Variants in ZIK1 observed in about 807,000 individuals in gnomAD.
ZIK1 encodes the protein zinc finger protein interacting with ribonucleoprotein K.
A neutral mutation model predicts 10.7 loss-of-function variants in ZIK1; 12 were observed. The ratio of observed to expected loss-of-function variants is 1.12; its 90% CI spans 0.72 to 1.81. The LOEUF (loss-of-function observed/expected upper bound fraction) is 1.81, where lower values mean the gene tolerates loss of function less well. ZIK1 is among the 40% of genes most tolerant of loss of function. The probability of loss-of-function intolerance (pLI) is 0.00; values close to 1 mark genes in which losing one functional copy is unlikely to be tolerated. For missense variants in ZIK1, 497 were observed against 585.7 expected, an observed-to-expected ratio of 0.85 and a Z score of 1.56; for synonymous variants, 190 against 205.0, an observed-to-expected ratio of 0.93 and a Z score of 0.63.
rs560755104 is a variant in ZIK1 at position 57,587,972 on chromosome 19, C to T, written c.73-567C>T. On this transcript the variant is annotated intron_variant, in intron 2 of 3. Transcript: ENST00000597850. ...TGCAGCACAAGTGGAGGACGGCCAT[C>T]GGTGTCTGACATCAGGTGATTCTTG... 1.3e-4 allele frequency among the ~76,000 whole-genome samples: 20 copies of T among 151,916 alleles called. No homozygotes were observed. In the South Asian group the frequency reaches 3.6e-3, roughly 27 times the overall value.
chr19:57,584,822 C>T (rs1978982655), intron 1 of ZIK1, 130 bp from the exon 2 acceptor site: 3 of 1,172,764 alleles, frequency 2.6e-6, no homozygotes, highest in Non-Finnish European at 1.2e-6. Flanking sequence ...AGGACTGGAA[C>T]GCTGAGGCTC....
At position 57,590,657 on chromosome 19, in the gene ZIK1, G is replaced by C. The variant is rs894410772; in HGVS notation, c.846G>C (p.Leu282=). 3.7e-6 allele frequency: 6 copies of C among 1,613,942 alleles called. No homozygotes were observed. In the Admixed American group the frequency reaches 5.0e-5, roughly 13 times the overall value. Residue 282 remains leucine, a synonymous_variant, in exon 4 of 4, where the codon CTG becomes CTC. Coordinates refer to ENST00000597850, the MANE Select transcript of ZIK1 (RefSeq NM_001010879.4). ...CGKFFSQTSH[L]NDHRRIHTGE... ...AATTCTTTAGCCAAACCTCCCACCT[G>C]AATGATCATCGGAGAATCCACACCG...
At position 57,591,211 on chromosome 19, in the gene ZIK1, A is replaced by G; in HGVS notation, c.1400A>G (p.Lys467Arg). Residue 467 changes from lysine to arginine, a missense_variant, in exon 4 of 4, where the codon AAA becomes AGA. By Grantham distance (26) the Lys-to-Arg change is conservative. Transcript: ENST00000597850. ...GGAGAAAGGCCTTATGAGTGCAACA[A>G]ATGTGGGAATTCCTTTAGCCAATGC... Reference protein sequence around the residue: ...HTGERPYECNKCGNSFSQCSS... With the variant: ...HTGERPYECNRCGNSFSQCSS... 1 of 1,614,236 alleles carries G rather than the reference A, an allele frequency of 6.2e-7. No individual in the cohort carries two copies. The highest frequency in any genetic ancestry group is 8.5e-7 in the Non-Finnish European group (1 of 1,180,014).
rs917310530 is a variant in ZIK1 at position 57,590,066 on chromosome 19, A to T, written c.255A>T (p.Val85=). 2 of 1,614,192 alleles carry T rather than the reference A, an allele frequency of 1.2e-6. No homozygotes were observed. Among genetic ancestry groups the T allele is most frequent in the Non-Finnish European group, 1.7e-6 (2 of 1,180,026 alleles). ...CACCTTCTGACCAGAATGTTTCTGT[A>T]GGAGTGTCACAGTCAAAGGCAGGTT... The part of the protein sequence containing the change: ...EETPSDQNVS[V]GVSQSKAGSS... The change falls in exon 4 of 4, where the codon GTA becomes GTT. Residue 85 remains valine, a synonymous_variant. Coordinates refer to ENST00000597850, the MANE Select transcript of ZIK1 (RefSeq NM_001010879.4).
In ZIK1 at chr19:57,590,477, C is replaced by G. The variant is rs1568615595; in HGVS notation, c.666C>G (p.His222Gln). ...GTGAATGTGGGAAGGCTTCCAGGCA[C>G]AAACACACTCCTGTTTACCATCCAA... Reference protein sequence around the residue: ...KSGECGKASRHKHTPVYHPRV... With the variant: ...KSGECGKASRQKHTPVYHPRV... Residue 222 changes from histidine to glutamine, a missense_variant, in exon 4 of 4, where the codon CAC becomes CAG. Physicochemically the swap from His to Gln is conservative, Grantham distance 24. Coordinates refer to ENST00000597850, the MANE Select transcript of ZIK1 (RefSeq NM_001010879.4). The G allele has an allele frequency of 1.2e-6, 2 of 1,614,038 alleles. No individual in the cohort carries two copies. Among genetic ancestry groups the G allele is most frequent in the East Asian group, 2.2e-5 (1 of 44,860 alleles).
chr19:57,584,262 G>T lies in ZIK1; in HGVS notation c.-95G>T, dbSNP rs951441160. 1.3e-6 allele frequency: 2 copies of T among 1,511,092 alleles called. No individual in the cohort carries two copies. The highest frequency in any genetic ancestry group is 1.8e-6 in the Non-Finnish European group (2 of 1,128,592). 93.6% of individuals were successfully genotyped at this position (1,511,092 alleles called of 1,614,324 possible). A position where few individuals can be genotyped will look rare whatever the true frequency, so the allele number is the denominator to read the frequency against. ...GGGGTCCTCCCGCTGAACAGTGGGG[G>T]TTCTAAGGGTCGGCGGCGGCGGGGT... On this transcript the variant is annotated 5_prime_UTR_variant, in exon 1 of 4. Transcript: ENST00000597850.
rs578248666 is a variant in ZIK1, at chr19:57,591,176, G to A, written c.1365G>A (p.Val455=). 53 of 1,610,084 alleles carry A rather than the reference G, an allele frequency of 3.3e-5. No homozygotes were observed. The highest frequency in any genetic ancestry group is 8.5e-6 in the Non-Finnish European group (10 of 1,178,474). ...AGTCTGGTCTCATTCAACACCAAGTGGTTCACACTGGAGAAAGGCCTTATG... is the reference window on the plus strand; with the variant it reads ...AGTCTGGTCTCATTCAACACCAAGTAGTTCACACTGGAGAAAGGCCTTATG... The part of the protein sequence containing the change: ...SQKSGLIQHQ[V]VHTGERPYEC... Residue 455 remains valine, a synonymous_variant, in exon 4 of 4, where the codon GTG becomes GTA. Coordinates refer to ENST00000597850, the MANE Select transcript of ZIK1 (RefSeq NM_001010879.4).
At position 57,584,270 on chromosome 19, in the gene ZIK1, G is replaced by A; in HGVS notation, c.-87G>A. On this transcript the variant is annotated 5_prime_UTR_variant, in exon 1 of 4. Transcript: ENST00000597850. ...CCCGCTGAACAGTGGGGGTTCTAAG[G>A]GTCGGCGGCGGCGGGGTTGACGGCT... 2.0e-5 allele frequency: 31 copies of A among 1,517,576 alleles called. No individual in the cohort carries two copies. The South Asian group carries it at 3.4e-4, about 17-fold the overall frequency. The allele number at this position is 1,517,576 out of a possible 1,614,324, so 94.0% of individuals were successfully genotyped here.
At position 57,587,098 on chromosome 19, in the gene ZIK1, C is replaced by G. The variant is rs566907419; in HGVS notation, c.73-1441C>G. 2.0e-5 allele frequency among the ~76,000 whole-genome samples: 3 copies of G among 152,290 alleles called. No individual in the cohort carries two copies. The East Asian group carries it at 5.8e-4, about 30-fold the overall frequency. On this transcript the variant is annotated intron_variant, in intron 2 of 3. Transcript: ENST00000597850. ...GGGAACTCCCCCCTTATAAAACCAT[C>G]AAATCTTGTGAGACTTATTTACTAT...
At position 57,584,240 on chromosome 19, in the gene ZIK1, G is replaced by T; in HGVS notation, c.-117G>T. On this transcript the variant is annotated 5_prime_UTR_variant, in exon 1 of 4. Transcript: ENST00000597850. ...ACAGTCGGAAGGCGCGAGGGGAGGG[G>T]TCCTCCCGCTGAACAGTGGGGGTTC... 3 of 1,457,072 alleles carry T rather than the reference G, an allele frequency of 2.1e-6. No individual in the cohort carries two copies. Among genetic ancestry groups the T allele is most frequent in the Non-Finnish European group, 2.7e-6 (3 of 1,100,244 alleles). 90.3% of individuals were successfully genotyped at this position (1,457,072 alleles called of 1,614,324 possible). A position where few individuals can be genotyped will look rare whatever the true frequency, so the allele number is the denominator to read the frequency against.
At chr19:57,585,288 G>A (rs1281050248) in intron 2 of ZIK1, among the ~76,000 whole-genome samples, 1 of 152,194 alleles carries the variant, frequency 6.6e-6, no homozygotes, top group African/African-American at 2.4e-5. Flanking sequence ...AGAGCAGCAG[G>A]GCAGGACTCA....
At position 57,590,380 on chromosome 19, in the gene ZIK1, G is replaced by T. The variant is rs1412762073; in HGVS notation, c.569G>T (p.Gly190Val). 12 of 1,614,058 alleles carry T rather than the reference G, an allele frequency of 7.4e-6. No homozygotes were observed. Among genetic ancestry groups the T allele is most frequent in the Non-Finnish European group, 1.0e-5 (12 of 1,180,030 alleles). The change falls in exon 4 of 4, where the codon GGA becomes GTA. Residue 190 changes from glycine (G) to valine (V), a missense_variant. Coordinates refer to ENST00000597850, the MANE Select transcript of ZIK1 (RefSeq NM_001010879.4). ...CTTCTGAGGTCCCTGGTCTTTCCTG[G>T]AGGCAAGAAACCCGGCACAATTACT... ...LRLLRSLVFP[G>V]GKKPGTITEC... is the part of the protein sequence containing the mutation.
Position 57,591,507 on chromosome 19 carries a change from G to T in ZIK1, c.*232G>T. 1.8e-6 allele frequency: 1 copy of T among 547,674 alleles called. No homozygotes were observed. Among genetic ancestry groups the T allele is most frequent in the South Asian group, 2.8e-5 (1 of 35,496 alleles). 33.9% of individuals were successfully genotyped at this position (547,674 alleles called of 1,614,324 possible). A position where few individuals can be genotyped will look rare whatever the true frequency, so the allele number is the denominator to read the frequency against. Reference sequence around the variant, plus strand: ...CTACCCTCTACCACCTTGCACAGTGGGCACTGGTCACTCCTATGTGCTAAG... The same window carrying T: ...CTACCCTCTACCACCTTGCACAGTGTGCACTGGTCACTCCTATGTGCTAAG... On this transcript the variant is annotated 3_prime_UTR_variant, in exon 4 of 4. Transcript: ENST00000597850.
chr19:57,591,039 G>C lies in ZIK1; in HGVS notation c.1228G>C (p.Gly410Arg). The C allele has an allele frequency of 6.2e-7, 1 of 1,613,196 alleles. No individual in the cohort carries two copies. The highest frequency in any genetic ancestry group is 8.5e-7 in the Non-Finnish European group (1 of 1,179,812). The change falls in exon 4 of 4, where the codon GGT becomes CGT. Residue 410 changes from glycine (G) to arginine (R), a missense_variant. By Grantham distance (125) the Gly-to-Arg change is moderately radical. Transcript: ENST00000597850. ...VHTGERPYKC[G>R]DCGKSFSQSS... ...CACTGGAGAAAGGCCTTATAAGTGTGGTGACTGTGGGAAATCCTTTAGTCA... is the reference window on the plus strand; with the variant it reads ...CACTGGAGAAAGGCCTTATAAGTGTCGTGACTGTGGGAAATCCTTTAGTCA...
In ZIK1 at chr19:57,590,547, A is replaced by C. The variant is rs769432486; in HGVS notation, c.736A>C (p.Lys246Gln). The C allele has an allele frequency of 9.3e-6, 15 of 1,614,238 alleles. No individual in the cohort carries two copies. In the South Asian group the frequency reaches 1.5e-4, roughly 17 times the overall value. The stretch of plus-strand genomic sequence containing the variant: ...GCTTTATGAGTGTAGCAAATGTGGG[A>C]AAGCCTTCCGTGGCAAGTACTCACT... ...KKLYECSKCG[K>Q]AFRGKYSLVQ... Residue 246 changes from lysine to glutamine, a missense_variant, in exon 4 of 4, where the codon AAA becomes CAA. Transcript: ENST00000597850.
rs1568616944 is a variant in ZIK1, at chr19:57,591,245, CAT to C, written c.1436_1437del (p.Ile479ThrfsTer7). 2 of 1,611,572 alleles carry C rather than the reference CAT, an allele frequency of 1.2e-6. No homozygotes were observed. The highest frequency in any genetic ancestry group is 1.7e-5 in the Admixed American group (1 of 59,674). On this transcript the variant is annotated frameshift_variant, in exon 4 of 4. Transcript: ENST00000597850. LOFTEE classifies it low-confidence loss of function (END_TRUNC). ...GNSFSQCSSL[I>X]HHQKCHNT ...ATTCCTTTAGCCAATGCTCCAGCCT[CAT>C]ACATCACCAAAAATGTCATAACACA... is the stretch of plus-strand genomic sequence containing the variant.
At chr19:57,584,465 T>A (rs1978947054) in intron 1 of ZIK1, 76 bp downstream of exon 1, 2 of 1,547,022 alleles carry the variant, frequency 1.3e-6, no homozygotes. Flanking sequence ...GTCGAGATCC[T>A]CATGTCCAGT....
chr19:57,589,798 C>A, intron 3 of ZIK1: 2 of 757,980 alleles, frequency 2.6e-6, no homozygotes, highest in Non-Finnish European at 3.2e-6. Flanking sequence ...CCCTGTCCTT[C>A]ATCCCATCCT....
At position 57,591,087 on chromosome 19, in the gene ZIK1, C is replaced by T. The variant is rs149356470; in HGVS notation, c.1276C>T (p.Arg426Trp). 5.9e-5 allele frequency: 96 copies of T among 1,613,936 alleles called. 1 individual carries two copies. The highest frequency in any genetic ancestry group is 3.9e-4 in the African/African-American group (29 of 74,886). The change falls in exon 4 of 4, where the codon CGG (arginine) becomes TGG (tryptophan). Residue 426 changes from arginine to tryptophan, a missense_variant. Transcript: ENST00000597850. ...FSQSSILIQHRRIHTGARPYE... is the reference protein window; with the variant it reads ...FSQSSILIQHWRIHTGARPYE... ...TCAAAGCTCCATCCTTATTCAACACCGGAGAATTCATACTGGAGCAAGGCC... is the reference window on the plus strand; with the variant it reads ...TCAAAGCTCCATCCTTATTCAACACTGGAGAATTCATACTGGAGCAAGGCC...
Sources: gnomAD v4.1 joint callset for allele counts (sites outside exome capture counted in the v4.1 genomes callset) on GRCh38, gnomAD v4.1.1 for gene constraint, MANE v1.5 for transcripts, NCBI Gene and HGNC (gene_info 2026-07-23, HGNC 2026-07-21) for gene names.